The following KIAA1217 variants were observed in gnomAD, a reference collection of about 807,000 sequenced individuals.
KIAA1217 encodes sickle tail protein homolog.
A neutral mutation model predicts 163.9 loss-of-function variants in KIAA1217; 88 were observed. The observed-to-expected ratio is 0.54, with a 90% confidence interval of 0.45 to 0.64. KIAA1217 has a LOEUF of 0.64. KIAA1217 is among the 30% of genes least tolerant of loss of function. The pLI, the probability that KIAA1217 is intolerant of heterozygous loss-of-function variation, is 0.00. For missense variants in KIAA1217, 2,372 were observed against 2,475.0 expected (o/e 0.96, Z 0.88); for synonymous variants, 903 against 923.1 (o/e 0.98, Z 0.39).
intron 1 of KIAA1217, among the ~76,000 whole-genome samples, chr10:23,789,369 C>G (rs1242046323): frequency 6.6e-6 from 1 of 152,146 alleles, no homozygotes; most frequent in African/African-American, 2.4e-5. Flanking sequence ...TCCTTTTTCT[C>G]TAGACATATC....
chr10:23,790,207 A>ACATATGCATATGCACATATG lies in KIAA1217; in HGVS notation c.-321+94978_-321+94979insGCATATGCACATATGCATAT, dbSNP rs1554794614. ...TACACATATACACATATGCATATAC[A>ACATATGCATATGCACATATG]CATATACACATATGCATATGCACAT... is the stretch of plus-strand genomic sequence containing the variant. On this transcript the variant is annotated intron_variant, in intron 1 of 18. Coordinates refer to the KIAA1217 transcript ENST00000376462. 3.3e-3 allele frequency among the ~76,000 whole-genome samples: 5 copies of ACATATGCATATGCACATATG among 1,496 alleles called. 2 individuals are homozygous for ACATATGCATATGCACATATG. Among genetic ancestry groups the ACATATGCATATGCACATATG allele is most frequent in the East Asian group, 0.016 (1 of 64 alleles). The allele number at this position is 1,496 out of a possible 152,430, so 1.0% of individuals were successfully genotyped here.
chr10:24,165,745 C>A (rs1234339842), intron 2 of KIAA1217, among the ~76,000 whole-genome samples: 1 of 152,102 alleles, frequency 6.6e-6, no homozygotes, highest in Non-Finnish European at 1.5e-5. Flanking sequence ...TGGTTGAAGG[C>A]CATAACTGGA....
intron 1 of KIAA1217, among the ~76,000 whole-genome samples, chr10:23,733,697 C>G (rs1489528872): frequency 1.3e-5 from 2 of 151,834 alleles, no homozygotes; most frequent in Non-Finnish European, 2.9e-5. Flanking sequence ...TAGTACCCGC[C>G]AGATAGAGAG....
intron 2 of KIAA1217, among the ~76,000 whole-genome samples, chr10:24,368,225 T>G (rs1320510859): frequency 6.6e-6 from 1 of 152,194 alleles, no homozygotes; most frequent in Admixed American, 6.5e-5. Flanking sequence ...TCCGTGCGCA[T>G]GTATTGTGCA....
chr10:24,087,750 A>G (rs939969447), intron 2 of KIAA1217, among the ~76,000 whole-genome samples: 2 of 152,172 alleles, frequency 1.3e-5, no homozygotes, highest in East Asian at 3.9e-4. Context: ...TGTGGGGTTT[A>G]TTCCATCGTG....
chr10:24,244,993 G>A (rs1477843602), intron 2 of KIAA1217, among the ~76,000 whole-genome samples: 2 of 152,122 alleles, frequency 1.3e-5, no homozygotes, highest in East Asian at 3.9e-4. Context: ...TATGCATTTG[G>A]AGAAGCCCTT....
chr10:24,467,678 A>G (rs1254830343), intron 5 of KIAA1217, among the ~76,000 whole-genome samples: 1 of 152,186 alleles, frequency 6.6e-6, no homozygotes, highest in Non-Finnish European at 1.5e-5. Flanking sequence ...GGTACAACAT[A>G]GCTAGTTACT....
In KIAA1217 at chr10:24,212,802, T is replaced by A. The variant is rs116570824; in HGVS notation, c.70+3539T>A. On this transcript the variant is annotated intron_variant, in intron 1 of 20. Coordinates refer to ENST00000376454, the MANE Select transcript of KIAA1217 (RefSeq NM_019590.5). ...GATATTCCACAGCAAGGACCATGTTTTATTTATTCACGTTTGCATTTCCAG... is the reference window on the plus strand; with the variant it reads ...GATATTCCACAGCAAGGACCATGTTATATTTATTCACGTTTGCATTTCCAG... Among the ~76,000 whole-genome samples, 261 of 152,318 alleles carry A rather than the reference T, an allele frequency of 1.7e-3. 2 individuals are homozygous for A. Among genetic ancestry groups the A allele is most frequent in the African/African-American group, 6.2e-3 (257 of 41,578 alleles).
intron 2 of KIAA1217, among the ~76,000 whole-genome samples, chr10:24,269,864 G>T (rs1310765134): frequency 6.6e-6 from 1 of 152,196 alleles, no homozygotes; most frequent in African/African-American, 2.4e-5. Context: ...CACTTCTAAA[G>T]ATTGGGGCCC....
At chr10:24,043,419 G>T (rs778122357) in intron 2 of KIAA1217, among the ~76,000 whole-genome samples, 1 of 151,890 alleles carries the variant, frequency 6.6e-6, no homozygotes. Flanking sequence ...AAACAAATAC[G>T]CAATGATATA....
intron 2 of KIAA1217, among the ~76,000 whole-genome samples, chr10:24,343,978 G>C (rs2047411410): frequency 6.6e-6 from 1 of 152,156 alleles, no homozygotes. Flanking sequence ...ATGTTTGAGT[G>C]ACTATATTTT....
chr10:24,151,366 C>A (rs1166413875), intron 2 of KIAA1217, among the ~76,000 whole-genome samples: 1 of 150,128 alleles, frequency 6.7e-6, no homozygotes, highest in Non-Finnish European at 1.5e-5. Context: ...ATTTAAGAGA[C>A]TAAGAAACTA....
chr10:24,275,598 G>A (rs996498126), intron 2 of KIAA1217: 3 of 456,702 alleles, frequency 6.6e-6, no homozygotes, highest in African/African-American at 4.0e-5. Context: ...TACAGAATCT[G>A]CTAGTAATGA....
At chr10:24,388,590 A>G (rs2054364030) in intron 3 of KIAA1217, among the ~76,000 whole-genome samples, 1 of 152,194 alleles carries the variant, frequency 6.6e-6, no homozygotes, top group African/African-American at 2.4e-5. Context: ...GCTTCTGTAC[A>G]GCAAAAGAAA....
intron 2 of KIAA1217, among the ~76,000 whole-genome samples, chr10:24,103,377 C>A (rs2062494379): frequency 6.6e-6 from 1 of 152,104 alleles, no homozygotes; most frequent in African/African-American, 2.4e-5. Context: ...AAAAAAGCCA[C>A]AATCCATGAA....
At chr10:23,725,395 G>A (rs933122201) in intron 1 of KIAA1217, among the ~76,000 whole-genome samples, 3 of 152,192 alleles carry the variant, frequency 2.0e-5, no homozygotes, top group African/African-American at 7.2e-5. Flanking sequence ...ATGATTTGAT[G>A]TTATTGTTTA....
intron 3 of KIAA1217, among the ~76,000 whole-genome samples, chr10:24,393,949 C>T (rs1219914345): frequency 6.6e-6 from 1 of 152,214 alleles, no homozygotes; most frequent in African/African-American, 2.4e-5. Flanking sequence ...AGGGGAATGT[C>T]AGGCTTATGA....
At chr10:23,897,005 G>T (rs886327893) in intron 1 of KIAA1217, among the ~76,000 whole-genome samples, 1 of 152,024 alleles carries the variant, frequency 6.6e-6, no homozygotes, top group African/African-American at 2.4e-5. Flanking sequence ...ATACTATAAA[G>T]AGACATTCCT....
At chr10:24,262,160 G>A (rs542497534) in intron 2 of KIAA1217, among the ~76,000 whole-genome samples, 26 of 152,294 alleles carry the variant, frequency 1.7e-4, no homozygotes, top group African/African-American at 5.8e-4. Context: ...GGAAGGCTAC[G>A]ACGGGTTGCA....
Sources: gnomAD v4.1 joint callset for allele counts (sites outside exome capture counted in the v4.1 genomes callset) on GRCh38, gnomAD v4.1.1 for gene constraint, MANE v1.5 for transcripts, NCBI Gene and HGNC (gene_info 2026-07-23, HGNC 2026-07-21) for gene names.